Variants in LRRTM4 observed in about 807,000 individuals in gnomAD.
LRRTM4 encodes the protein leucine rich repeat transmembrane neuronal 4.
Under a neutral mutation model 47.6 loss-of-function variants are expected in LRRTM4, and 25 were observed. The observed-to-expected ratio is 0.53, with a 90% CI of 0.38 to 0.73. LRRTM4 has a LOEUF of 0.73. LRRTM4 is among the 30% of genes least tolerant of loss of function. The pLI, the probability that LRRTM4 is intolerant of heterozygous loss-of-function variation, is 0.00. For synonymous variants in LRRTM4, 311 were observed against 269.5 expected (o/e 1.15, Z -1.51); for missense variants, 638 against 713.4 (o/e 0.89, Z 1.20).
At chr2:77,509,852 T>C (rs957482386) in intron 3 of LRRTM4, among the ~76,000 whole-genome samples, 6 of 151,926 alleles carry the variant, frequency 3.9e-5, no homozygotes, top group African/African-American at 2.4e-5. Flanking sequence ...GTAAAGAGAG[T>C]CTGCTTCAAA....
chr2:77,128,869 A>C (rs898946236), intron 3 of LRRTM4, among the ~76,000 whole-genome samples: 10 of 152,174 alleles, frequency 6.6e-5, no homozygotes, highest in African/African-American at 2.4e-4. Flanking sequence ...CAAACTCCTG[A>C]CCTCAGGTGA....
At chr2:77,278,909 TAC>T (rs1676438046) in intron 3 of LRRTM4, among the ~76,000 whole-genome samples, 1 of 152,022 alleles carries the variant, frequency 6.6e-6, no homozygotes, top group African/African-American at 2.4e-5. Flanking sequence ...GTGCCCTTTG[TAC>T]TTTGGCTCAA....
chr2:76,919,597 T>C (rs546744602), intron 3 of LRRTM4, among the ~76,000 whole-genome samples: 7 of 152,104 alleles, frequency 4.6e-5, no homozygotes, highest in Non-Finnish European at 1.0e-4. Context: ...GTTGGGAAAA[T>C]TGTGAAAGCC....
chr2:77,209,517 A>G (rs1363611078), intron 3 of LRRTM4, among the ~76,000 whole-genome samples: 1 of 152,168 alleles, frequency 6.6e-6, no homozygotes, highest in African/African-American at 2.4e-5. Context: ...AGTGGGGTCA[A>G]TGTCCTTCAA....
intron 3 of LRRTM4, among the ~76,000 whole-genome samples, chr2:77,419,333 C>T (rs918300476): frequency 1.3e-5 from 2 of 152,096 alleles, no homozygotes; most frequent in African/African-American, 2.4e-5. Context: ...ATACATTTGT[C>T]CCTCGGTATC....
intron 3 of LRRTM4, among the ~76,000 whole-genome samples, chr2:77,145,717 T>A (rs1333694759): frequency 6.6e-6 from 1 of 151,422 alleles, no homozygotes; most frequent in Non-Finnish European, 1.5e-5. Flanking sequence ...GAGCTTGCAG[T>A]GAGCAGAGAT....
chr2:77,370,934 C>T (rs1290011359), intron 3 of LRRTM4, among the ~76,000 whole-genome samples: 1 of 151,470 alleles, frequency 6.6e-6, no homozygotes, highest in Non-Finnish European at 1.5e-5. Flanking sequence ...GCCATAGGCC[C>T]CTCATTAATA....
At chr2:77,212,195 A>T (rs1674311173) in intron 3 of LRRTM4, among the ~76,000 whole-genome samples, 1 of 152,036 alleles carries the variant, frequency 6.6e-6, no homozygotes, top group Admixed American at 6.6e-5. Context: ...AGAAAAAAAC[A>T]TTACTTAAAG....
chr2:76,749,701 A>G (rs1672781662), intron 3 of LRRTM4, among the ~76,000 whole-genome samples: 1 of 152,206 alleles, frequency 6.6e-6, no homozygotes, highest in Non-Finnish European at 1.5e-5. Context: ...AAAGCAGAAA[A>G]TATCAGTTAT....
In LRRTM4 at chr2:76,958,013, CAGCTG is replaced by C. The variant is rs2103904421; in HGVS notation, c.1552-209102_1552-209098del. Among the ~76,000 whole-genome samples, 3 of 151,660 alleles carry C rather than the reference CAGCTG, an allele frequency of 2.0e-5. No homozygotes were observed. The South Asian group carries it at 6.2e-4, about 31-fold the overall frequency. On this transcript the variant is annotated intron_variant, in intron 3 of 3. Coordinates refer to ENST00000409884, the MANE Select transcript of LRRTM4 (RefSeq NM_001134745.3). ...TATTTGTTCCAATTTTAGTTATTATCAGCTGTAGGCCTTAAGTATTTTTGAGACAA... is the reference window on the plus strand; with the variant it reads ...TATTTGTTCCAATTTTAGTTATTATCTAGGCCTTAAGTATTTTTGAGACAA...
rs143140027 is a variant in LRRTM4, at chr2:77,349,518, T to A, written c.1551+168800A>T. On this transcript the variant is annotated intron_variant, in intron 3 of 3. Coordinates refer to ENST00000409884, the MANE Select transcript of LRRTM4 (RefSeq NM_001134745.3). The stretch of plus-strand genomic sequence containing the variant: ...ATGTACTAAAAATGTCATATAACTA[T>A]GAAGGTAACTGTTAGAGTTTTGTTG... Among the ~76,000 whole-genome samples, 135 of 152,212 alleles carry A rather than the reference T, an allele frequency of 8.9e-4. 1 individual carries two copies. The East Asian group carries it at 0.023, about 26-fold the overall frequency.
At chr2:77,025,025 G>A (rs1003257490) in intron 3 of LRRTM4, among the ~76,000 whole-genome samples, 12 of 152,068 alleles carry the variant, frequency 7.9e-5, no homozygotes, top group Admixed American at 1.3e-4. Flanking sequence ...CTTTCAACAA[G>A]TCAAAGCATT....
At chr2:77,251,621 T>G (rs768879) in intron 3 of LRRTM4, among the ~76,000 whole-genome samples, 83,084 of 151,844 alleles carry the variant, frequency 0.55, 23,088 homozygotes, top group African/African-American at 0.6. Context: ...TCAAGTATTA[T>G]AATTTAAATT....
In LRRTM4 at chr2:77,092,852, T is replaced by C. The variant is rs932042407; in HGVS notation, c.1552-343936A>G. ...CTTAGTATTCAGCGAAACCTTTATA[T>C]CCCTTACGATCCTCCATCTTCAAGA... On this transcript the variant is annotated intron_variant, in intron 3 of 3. Coordinates refer to ENST00000409884, the MANE Select transcript of LRRTM4 (RefSeq NM_001134745.3). Among the ~76,000 whole-genome samples the C allele has an allele frequency of 4.7e-4, 68 of 143,448 alleles. 3 individuals are homozygous for C. The highest frequency in any genetic ancestry group is 1.9e-3 in the African/African-American group (67 of 34,672). 94.1% of individuals were successfully genotyped at this position (143,448 alleles called of 152,430 possible).
intron 3 of LRRTM4, among the ~76,000 whole-genome samples, chr2:76,898,755 G>A (rs981395998): frequency 6.6e-6 from 1 of 150,392 alleles, no homozygotes; most frequent in African/African-American, 2.4e-5. Context: ...TGTTAGAAAA[G>A]GTATAGAAGA....
At chr2:76,845,902 G>GTGAT (rs1311871089) in intron 3 of LRRTM4, among the ~76,000 whole-genome samples, 1 of 152,072 alleles carries the variant, frequency 6.6e-6, no homozygotes, top group Non-Finnish European at 1.5e-5. Flanking sequence ...TGGAACAAAG[G>GTGAT]TGATAAAACA....
At chr2:76,945,957 A>T (rs562551212) in intron 3 of LRRTM4, among the ~76,000 whole-genome samples, 5 of 151,984 alleles carry the variant, frequency 3.3e-5, no homozygotes, top group African/African-American at 1.2e-4. Context: ...TCTTTAAACA[A>T]TAAGAGTTTC....
chr2:77,236,897 T>C (rs938701117), intron 3 of LRRTM4, among the ~76,000 whole-genome samples: 1 of 152,158 alleles, frequency 6.6e-6, no homozygotes, highest in Non-Finnish European at 1.5e-5. Context: ...ATTAGCTTTT[T>C]GATATGCTGC....
intron 3 of LRRTM4, among the ~76,000 whole-genome samples, chr2:77,102,164 G>T (rs1670971694): frequency 6.6e-6 from 1 of 152,098 alleles, no homozygotes; most frequent in South Asian, 2.1e-4. Flanking sequence ...ATACTAATCA[G>T]ACTGCAGACT....
Sources: gnomAD v4.1 joint callset for allele counts (sites outside exome capture counted in the v4.1 genomes callset) on GRCh38, gnomAD v4.1.1 for gene constraint, MANE v1.5 for transcripts, NCBI Gene and HGNC (gene_info 2026-07-23, HGNC 2026-07-21) for gene names.